The following CELF2 variants were observed in gnomAD, a reference collection of about 807,000 sequenced individuals.
The protein encoded by CELF2 is CUG triplet repeat RNA-binding protein 2.
A neutral mutation model predicts 62.6 loss-of-function variants in CELF2; 8 were observed. That is an observed-to-expected ratio of 0.13 (90% confidence interval 0.07 to 0.23). The LOEUF (loss-of-function observed/expected upper bound fraction) is 0.23, where lower values mean the gene tolerates loss of function less well. Ranked by LOEUF, CELF2 falls within the 10% of genes least tolerant of loss-of-function variation. The pLI, the probability that CELF2 is intolerant of heterozygous loss-of-function variation, is 1.00. For synonymous variants in CELF2, 258 were observed against 250.0 expected (o/e 1.03, Z -0.30); for missense variants, 333 against 671.0 (o/e 0.50, Z 5.56).
Position 11,141,357 on chromosome 10 carries a change from A to G in CELF2, c.75-24129A>G, listed in dbSNP as rs79782874. On this transcript the variant is annotated intron_variant, in intron 1 of 12. Transcript: ENST00000633077. ...GGTGAGTTCAGCACATTTGAGGACC[A>G]GGGGGCCGACCAGTCAGGAGCAGAG... is the stretch of plus-strand genomic sequence containing the variant. Among the ~76,000 whole-genome samples, 1,146 of 152,354 alleles carry G rather than the reference A, an allele frequency of 7.5e-3. 13 individuals carry two copies. The highest frequency in any genetic ancestry group is 0.026 in the African/African-American group (1,096 of 41,576).
At chr10:11,197,087 A>G (rs202225819) in intron 2 of CELF2, among the ~76,000 whole-genome samples, 1 of 143,720 alleles carries the variant, frequency 7.0e-6, no homozygotes, top group African/African-American at 2.6e-5. Flanking sequence ...AAGAAAGAAG[A>G]AAGAAAGAAG....
At chr10:11,205,795 T>A (rs1343843148) in intron 2 of CELF2, among the ~76,000 whole-genome samples, 1 of 152,202 alleles carries the variant, frequency 6.6e-6, no homozygotes, top group African/African-American at 2.4e-5. Context: ...TCCGTACACA[T>A]GAAATGCGAC....
At position 10,807,126 on chromosome 10, in the gene CELF2, A is replaced by T. The variant is rs529827290; in HGVS notation, c.53+8309A>T. Among the ~76,000 whole-genome samples, 4 of 152,332 alleles carry T rather than the reference A, an allele frequency of 2.6e-5. No homozygotes were observed. In the South Asian group the frequency reaches 8.3e-4, roughly 32 times the overall value. The stretch of plus-strand genomic sequence containing the variant: ...TTTGCTAGAAAATAAAGAATCTCCT[A>T]TTGGACTTTCAAAAGCCTCTGCTTT... On this transcript the variant is annotated intron_variant, in intron 1 of 13. Transcript: ENST00000636488.
At chr10:10,833,594 G>A (rs993769587) in intron 1 of CELF2, among the ~76,000 whole-genome samples, 6 of 152,134 alleles carry the variant, frequency 3.9e-5, no homozygotes, top group South Asian at 2.1e-4. Flanking sequence ...GTGATGATGC[G>A]AACAGTGCGT....
At position 11,159,965 on chromosome 10, in the gene CELF2, T is replaced by C. The variant is rs1178250980; in HGVS notation, c.75-5521T>C. The stretch of plus-strand genomic sequence containing the variant: ...AGATGGGGCTCTCGCAGCACCCCAA[T>C]TAACCGGCCACTCAGCGGCCTGTCG... On this transcript the variant is annotated intron_variant, in intron 1 of 12. Coordinates refer to ENST00000633077, the MANE Select transcript of CELF2 (RefSeq NM_001326342.2). The surrounding 1 kb of genome is among the most constrained non-coding windows in gnomAD (Gnocchi z 5.0). Among the ~76,000 whole-genome samples the C allele has an allele frequency of 2.6e-5, 4 of 152,298 alleles. No individual in the cohort carries two copies. The East Asian group carries it at 7.7e-4, about 29-fold the overall frequency.
At chr10:10,725,099 A>G in the CELF2 span, among the ~76,000 whole-genome samples, 1 of 152,214 alleles carries the variant, frequency 6.6e-6, no homozygotes, top group African/African-American at 2.4e-5. Flanking sequence ...TTAGCTTTTT[A>G]CCAGTATTCC....
chr10:10,686,886 A>G, the CELF2 span, among the ~76,000 whole-genome samples: 43,176 of 152,012 alleles, frequency 0.28, 6,328 homozygotes, highest in South Asian at 0.47. Context: ...GACTGGTCCC[A>G]TGCCCAGCCT....
At chr10:10,494,805 C>A in the CELF2 span, among the ~76,000 whole-genome samples, 1 of 152,066 alleles carries the variant, frequency 6.6e-6, no homozygotes, top group South Asian at 2.1e-4. Context: ...GATTTGATGT[C>A]TCAGATAAAA....
chr10:10,912,556 G>C (rs998015622), intron 1 of CELF2, among the ~76,000 whole-genome samples: 4 of 152,176 alleles, frequency 2.6e-5, no homozygotes, highest in African/African-American at 4.8e-5. Flanking sequence ...TTTTAGTAGA[G>C]AGGGGGTTTC....
At chr10:10,609,533 C>A in the CELF2 span, among the ~76,000 whole-genome samples, 4 of 152,118 alleles carry the variant, frequency 2.6e-5, no homozygotes, top group Admixed American at 2.0e-4. Flanking sequence ...TGGATGGAAG[C>A]AAATGTGAAG....
At chr10:10,708,307 A>G in the CELF2 span, among the ~76,000 whole-genome samples, 1 of 152,208 alleles carries the variant, frequency 6.6e-6, no homozygotes, top group Admixed American at 6.5e-5. Context: ...CAGAAGAGGA[A>G]ATTGAGACCC....
chr10:11,174,638 G>T (rs994760206), intron 2 of CELF2, among the ~76,000 whole-genome samples: 1 of 152,228 alleles, frequency 6.6e-6, no homozygotes, highest in African/African-American at 2.4e-5. Flanking sequence ...CTATTTAACT[G>T]ACCCACCATC....
chr10:10,595,368 G>A, the CELF2 span, among the ~76,000 whole-genome samples: 2 of 152,220 alleles, frequency 1.3e-5, no homozygotes, highest in African/African-American at 4.8e-5. Flanking sequence ...GTCAGGGCAA[G>A]GATATACAAA....
At chr10:11,050,814 C>G (rs888492776) in intron 1 of CELF2, among the ~76,000 whole-genome samples, 8 of 152,188 alleles carry the variant, frequency 5.3e-5, no homozygotes, top group African/African-American at 1.9e-4. Flanking sequence ...GCTGCCCTTC[C>G]CTGCCTTGCA....
At chr10:11,326,053 AC>A in intron 12 of CELF2, 74 bp downstream of exon 12, 1 of 1,456,516 alleles carries the variant, frequency 6.9e-7, no homozygotes, top group Non-Finnish European at 9.3e-7. Flanking sequence ...AAAATGTGAG[AC>A]AGTTTCAGCC....
chr10:11,144,759 G>GT (rs1372120998), intron 1 of CELF2, among the ~76,000 whole-genome samples: 1 of 151,798 alleles, frequency 6.6e-6, no homozygotes, highest in Non-Finnish European at 1.5e-5. Context: ...AGGTGTGGTG[G>GT]TGCACGCCTG....
intron 9 of CELF2, among the ~76,000 whole-genome samples, chr10:11,308,001 G>C (rs1449714642): frequency 6.6e-6 from 1 of 152,196 alleles, no homozygotes; most frequent in Non-Finnish European, 1.5e-5. Context: ...GAGACTAAGA[G>C]CAACAGCCTG....
intron 1 of CELF2, among the ~76,000 whole-genome samples, chr10:11,109,364 C>T (rs1477167525): frequency 2.0e-5 from 3 of 152,162 alleles, no homozygotes; most frequent in Admixed American, 1.3e-4. Flanking sequence ...ACTTGGGCAT[C>T]ATGGGTAAAG....
the CELF2 span, among the ~76,000 whole-genome samples, chr10:10,625,804 G>T: frequency 6.6e-6 from 1 of 152,194 alleles, no homozygotes; most frequent in Admixed American, 6.5e-5. Flanking sequence ...AGCCCCAGAG[G>T]AACAGGGTCG....
Sources: gnomAD v4.1 joint callset for allele counts (sites outside exome capture counted in the v4.1 genomes callset) on GRCh38, gnomAD v4.1.1 for gene constraint, Gnocchi (gnomAD v3.1) non-coding constraint, MANE v1.5 for transcripts, NCBI Gene and HGNC (gene_info 2026-07-23, HGNC 2026-07-21) for gene names.